The following SLC26A2 variants were observed in gnomAD, a reference collection of about 807,000 sequenced individuals.
SLC26A2 encodes solute carrier family 26 member 2.
In SLC26A2, 36 loss-of-function variants were observed where a neutral mutation model predicts 41.1. The observed-to-expected ratio is 0.88, with a 90% confidence interval of 0.67 to 1.16. The LOEUF (loss-of-function observed/expected upper bound fraction) is 1.16. SLC26A2 is among the 50% of genes most tolerant of loss of function. SLC26A2 has a pLI of 0.00. For missense variants in SLC26A2, 796 were observed against 869.6 expected, an observed-to-expected ratio of 0.92 and a Z score of 1.07; for synonymous variants, 291 against 311.6, an observed-to-expected ratio of 0.93 and a Z score of 0.70.
intron 1 of SLC26A2, chr5:149,962,056 G>C (rs1052278522): frequency 2.0e-5 from 3 of 152,228 alleles, no homozygotes; most frequent in African/African-American, 4.8e-5. Flanking sequence ...CTGCTGAGCA[G>C]TATAGCTGGG....
intron 1 of SLC26A2, among the ~76,000 whole-genome samples, chr5:149,966,744 A>G (rs2113688004): frequency 6.6e-6 from 1 of 152,052 alleles, no homozygotes; most frequent in East Asian, 1.9e-4. Flanking sequence ...TTGATTTTGG[A>G]TTTTTGAATT....
At position 149,960,935 on chromosome 5, in the gene SLC26A2, G is replaced by C. The variant is rs568036458; in HGVS notation, c.-70G>C. ...CCTCAGTCAGGCCACGGTGGAAGAC[G>C]CGTGCCGCGGCGCCTGGTTGCCTGC... On this transcript the variant is annotated 5_prime_UTR_variant, in exon 1 of 3. Coordinates refer to ENST00000286298, the MANE Select transcript of SLC26A2 (RefSeq NM_000112.4). 3 of 152,804 alleles carry C rather than the reference G, an allele frequency of 2.0e-5. No individual in the cohort carries two copies. The highest frequency in any genetic ancestry group is 6.5e-5 in the Admixed American group (1 of 15,314). The allele number at this position is 152,804 out of a possible 1,614,324, so 9.5% of individuals were successfully genotyped here. A position where few individuals can be genotyped will look rare whatever the true frequency, so the allele number is the denominator to read the frequency against.
At position 149,981,590 on chromosome 5, in the gene SLC26A2, C is replaced by T. The variant is rs1755103052; in HGVS notation, c.1997C>T (p.Thr666Ile). 1.2e-6 allele frequency: 2 copies of T among 1,613,934 alleles called. No individual in the cohort carries two copies. The highest frequency in any genetic ancestry group is 1.7e-6 in the Non-Finnish European group (2 of 1,179,956). Residue 666 changes from threonine to isoleucine, a missense_variant, in exon 3 of 3, where the codon ACA becomes ATA. Transcript: ENST00000286298. ...IQFLDTAGIHTLKEVRRDYEA... is the reference protein window; with the variant it reads ...IQFLDTAGIHILKEVRRDYEA... ...TTTTTAGATACAGCAGGGATCCACA[C>T]ACTGAAAGAAGTTCGCAGAGATTAT...
rs535441409 is a variant in SLC26A2, at chr5:149,974,488, T to G, written c.-25-3140T>G. On this transcript the variant is annotated intron_variant, in intron 1 of 2. Coordinates refer to ENST00000286298, the MANE Select transcript of SLC26A2 (RefSeq NM_000112.4). Reference sequence around the variant, plus strand: ...ACCATGCTGGAGTGCAGTGGCGCGATCTTGGCTCACTGCAGCCTCCGCCTC... The same window carrying G: ...ACCATGCTGGAGTGCAGTGGCGCGAGCTTGGCTCACTGCAGCCTCCGCCTC... Among the ~76,000 whole-genome samples, 714 of 151,870 alleles carry G rather than the reference T, an allele frequency of 4.7e-3. 2 individuals carry two copies. The highest frequency in any genetic ancestry group is 7.7e-3 in the Non-Finnish European group (524 of 67,906).
chr5:149,980,857 G>A lies in SLC26A2; in HGVS notation c.1264G>A (p.Gly422Ser), dbSNP rs750331459. Residue 422 changes from glycine to serine, a missense_variant, in exon 3 of 3, where the codon GGC becomes AGC. By Grantham distance (56) the Gly-to-Ser change is moderately conservative. Coordinates refer to ENST00000286298, the MANE Select transcript of SLC26A2 (RefSeq NM_000112.4). ...VKANQEMYAIGFCNIIPSFFH... is the reference protein window; with the variant it reads ...VKANQEMYAISFCNIIPSFFH... ...AGCAAACCAGGAAATGTATGCCATT[G>A]GCTTTTGTAATATCATCCCTTCCTT... is the stretch of plus-strand genomic sequence containing the variant. 4 of 1,613,948 alleles carry A rather than the reference G, an allele frequency of 2.5e-6. No individual in the cohort carries two copies. Among genetic ancestry groups the A allele is most frequent in the Admixed American group, 1.7e-5 (1 of 59,978 alleles).
chr5:149,960,937 G>C lies in SLC26A2; in HGVS notation c.-68G>C, dbSNP rs1219259270. On this transcript the variant is annotated 5_prime_UTR_variant, in exon 1 of 3. Transcript: ENST00000286298. ...TCAGTCAGGCCACGGTGGAAGACGC[G>C]TGCCGCGGCGCCTGGTTGCCTGCAG... is the stretch of plus-strand genomic sequence containing the variant. The C allele has an allele frequency of 2.6e-5, 4 of 152,674 alleles. No homozygotes were observed. Among genetic ancestry groups the C allele is most frequent in the Admixed American group, 6.5e-5 (1 of 15,296 alleles). The allele number at this position is 152,674 out of a possible 1,614,324, so 9.5% of individuals were successfully genotyped here. A position where few individuals can be genotyped will look rare whatever the true frequency, so the allele number is the denominator to read the frequency against.
intron 1 of SLC26A2, among the ~76,000 whole-genome samples, chr5:149,971,891 A>G (rs951871396): frequency 6.6e-6 from 1 of 152,244 alleles, no homozygotes; most frequent in South Asian, 2.1e-4. Context: ...CATTGCCTGC[A>G]GATTCAAGTC....
chr5:149,979,952 T>C (rs1218279975), intron 2 of SLC26A2, among the ~76,000 whole-genome samples: 1 of 152,192 alleles, frequency 6.6e-6, no homozygotes, highest in Non-Finnish European at 1.5e-5. Context: ...GAGAATGTTT[T>C]TCTTTTAAAA....
chr5:149,980,300 T>C lies in SLC26A2; in HGVS notation c.707T>C (p.Met236Thr), dbSNP rs908660430. Residue 236 changes from methionine to threonine, a missense_variant, in exon 3 of 3, where the codon ATG (methionine) becomes ACG (threonine). By Grantham distance (81) the Met-to-Thr change is moderately conservative. Coordinates refer to ENST00000286298, the MANE Select transcript of SLC26A2 (RefSeq NM_000112.4). Reference sequence around the variant, plus strand: ...CTATATCCTTCCTTCCAGGTAGCGATGGGCTTCTTTCAAGTGGGTTTTGTT... The same window carrying C: ...CTATATCCTTCCTTCCAGGTAGCGACGGGCTTCTTTCAAGTGGGTTTTGTT... ...TFIAGVYQVA[M>T]GFFQVGFVSV... is the part of the protein sequence containing the mutation. 5.6e-6 allele frequency: 9 copies of C among 1,613,750 alleles called. No individual in the cohort carries two copies. Among genetic ancestry groups the C allele is most frequent in the Non-Finnish European group, 6.8e-6 (8 of 1,179,730 alleles).
intron 2 of SLC26A2, 48 bp from the exon 3 acceptor site, chr5:149,980,245 G>T: frequency 7.0e-7 from 1 of 1,433,660 alleles, no homozygotes. Flanking sequence ...ATAAAATTTA[G>T]AAGTTCTTTT....
rs1755088334 is a variant in SLC26A2, at chr5:149,980,991, G to A, written c.1398G>A (p.Leu466=). ...TGGTAACAGCCCTGGTTCTTTTGTT[G>A]GTCCTCCTAGTAATAGCTCCTTTGT... ...SGVVTALVLL[L]VLLVIAPLFY... The change falls in exon 3 of 3, where the codon TTG becomes TTA. Residue 466 remains leucine, a synonymous_variant. Coordinates refer to ENST00000286298, the MANE Select transcript of SLC26A2 (RefSeq NM_000112.4). 6.2e-7 allele frequency: 1 copy of A among 1,614,030 alleles called. No individual in the cohort carries two copies. Among genetic ancestry groups the A allele is most frequent in the Non-Finnish European group, 8.5e-7 (1 of 1,179,962 alleles).
rs369257361 is a variant in SLC26A2, at chr5:149,974,446, C to T, written c.-25-3182C>T. On this transcript the variant is annotated intron_variant, in intron 1 of 2. Transcript: ENST00000286298. ...ATATATATGTATTTTTTTTTTGAGA[C>T]AGAGTTTTGCTTTGTCACCATGCTG... 3.3e-5 allele frequency among the ~76,000 whole-genome samples: 5 copies of T among 150,174 alleles called. No homozygotes were observed. In the South Asian group the frequency reaches 1.0e-3, roughly 31 times the overall value.
Position 149,963,276 on chromosome 5 carries a change from A to AT in SLC26A2, c.-26+2310dup, listed in dbSNP as rs768656677. ...AGGCACATGCCACCACGCCTGGCTA[A>AT]TTTTTTTTTTTTTCTTTTTTTGAGA... On this transcript the variant is annotated intron_variant, in intron 1 of 2. Coordinates refer to ENST00000286298, the MANE Select transcript of SLC26A2 (RefSeq NM_000112.4). 2.1e-3 allele frequency among the ~76,000 whole-genome samples: 288 copies of AT among 136,964 alleles called. 1 individual carries two copies. Among genetic ancestry groups the AT allele is most frequent in the Middle Eastern group, 3.9e-3 (1 of 258 alleles). The allele number at this position is 136,964 out of a possible 152,430, so 89.9% of individuals were successfully genotyped here. A position where few individuals can be genotyped will look rare whatever the true frequency, so the allele number is the denominator to read the frequency against.
Position 149,984,175 on chromosome 5 carries a change from G to A in SLC26A2, c.*2362G>A, listed in dbSNP as rs1043384434. 6.6e-6 allele frequency: 1 copy of A among 152,170 alleles called. No individual in the cohort carries two copies. Among genetic ancestry groups the A allele is most frequent in the African/African-American group, 2.4e-5 (1 of 41,442 alleles). 9.4% of individuals were successfully genotyped at this position (152,170 alleles called of 1,614,324 possible). A position where few individuals can be genotyped will look rare whatever the true frequency, so the allele number is the denominator to read the frequency against. On this transcript the variant is annotated 3_prime_UTR_variant, in exon 3 of 3. Coordinates refer to ENST00000286298, the MANE Select transcript of SLC26A2 (RefSeq NM_000112.4). ...TTGAATTATGTTCTGGTTTGTACTTGTCCCATCCATCCAAACAAGAGATTC... is the reference window on the plus strand; with the variant it reads ...TTGAATTATGTTCTGGTTTGTACTTATCCCATCCATCCAAACAAGAGATTC...
Position 149,983,629 on chromosome 5 carries a change from G to A in SLC26A2, c.*1816G>A, listed in dbSNP as rs1373156352. ...TTTTAAGAGACAGTCATCCAGGCCA[G>A]AGTGCAGTTTGATGATAGCTTACTG... On this transcript the variant is annotated 3_prime_UTR_variant, in exon 3 of 3. Coordinates refer to ENST00000286298, the MANE Select transcript of SLC26A2 (RefSeq NM_000112.4). 6.6e-6 allele frequency: 1 copy of A among 152,120 alleles called. No individual in the cohort carries two copies. Among genetic ancestry groups the A allele is most frequent in the African/African-American group, 2.4e-5 (1 of 41,410 alleles). 9.4% of individuals were successfully genotyped at this position (152,120 alleles called of 1,614,324 possible). A position where few individuals can be genotyped will look rare whatever the true frequency, so the allele number is the denominator to read the frequency against.
chr5:149,972,338 A>G (rs1754918368), intron 1 of SLC26A2, among the ~76,000 whole-genome samples: 1 of 152,218 alleles, frequency 6.6e-6, no homozygotes, highest in Admixed American at 6.5e-5. Context: ...CTGAGTGAAT[A>G]CATAAGTTTC....
intron 2 of SLC26A2, among the ~76,000 whole-genome samples, chr5:149,978,800 A>AC (rs1419145919): frequency 6.6e-6 from 1 of 151,624 alleles, no homozygotes; most frequent in African/African-American, 2.4e-5. Context: ...CAGTCCTCCT[A>AC]CCTCAACCTC....
At chr5:149,971,599 CA>C (rs1754906896) in intron 1 of SLC26A2, among the ~76,000 whole-genome samples, 1 of 152,042 alleles carries the variant, frequency 6.6e-6, no homozygotes, top group Non-Finnish European at 1.5e-5. Context: ...GGGTTTTCAT[CA>C]TGTTGCCCAG....
At chr5:149,974,117 C>T (rs190214196) in intron 1 of SLC26A2, among the ~76,000 whole-genome samples, 121 of 152,320 alleles carry the variant, frequency 7.9e-4, no homozygotes, top group African/African-American at 1.7e-3. Context: ...TGTCACTGCA[C>T]TTCAGCCTGG....
Sources: allele counts gnomAD v4.1 joint callset (sites outside exome capture counted in the v4.1 genomes callset), GRCh38; gene constraint gnomAD v4.1.1; transcripts MANE v1.5; gene names NCBI Gene and HGNC (gene_info 2026-07-23, HGNC 2026-07-21).